Variants in TRIM3 observed in about 807,000 individuals in gnomAD.
TRIM3 encodes tripartite motif-containing protein 3.
A neutral mutation model predicts 66.6 loss-of-function variants in TRIM3; 13 were observed. The observed-to-expected ratio is 0.20, with a 90% confidence interval of 0.13 to 0.31. TRIM3 has a LOEUF of 0.31. TRIM3 is among the 10% of genes least tolerant of loss of function. TRIM3 has a pLI of 1.00. For synonymous variants in TRIM3, 406 were observed against 411.7 expected (o/e 0.99, Z 0.17); for missense variants, 711 against 1,020.4 (o/e 0.70, Z 4.13).
intron 1 of TRIM3, among the ~76,000 whole-genome samples, chr11:6,470,048 G>A (rs1418627016): frequency 6.6e-6 from 1 of 152,130 alleles, no homozygotes. Flanking sequence ...TAGACTTTAC[G>A]CTTACCTGCT....
At position 6,457,908 on chromosome 11, in the gene TRIM3, C is replaced by A. The variant is rs980745454; in HGVS notation, c.364-61G>T. On this transcript the variant is annotated intron_variant, in intron 3 of 11. Transcript: ENST00000345851. This position sits in a 1 kb window ranked among gnomAD's most constrained non-coding sequence, Gnocchi z 4.5. Reference sequence around the variant, plus strand: ...ACATCACACTTCTTTGTCCCCTCCCCACCTGCCCTCCCTGCCCCTCACCTT... The same window carrying A: ...ACATCACACTTCTTTGTCCCCTCCCAACCTGCCCTCCCTGCCCCTCACCTT... 3.8e-6 allele frequency: 6 copies of A among 1,599,256 alleles called. No individual in the cohort carries two copies. The Middle Eastern group carries it at 5.0e-4, about 133-fold the overall frequency.
intron 2 of TRIM3, among the ~76,000 whole-genome samples, chr11:6,461,833 TTTACA>T (rs1360611326): frequency 6.6e-6 from 1 of 152,196 alleles, no homozygotes; most frequent in African/African-American, 2.4e-5. Context: ...GGGTGAACTT[TTTACA>T]TTACATTATT....
Position 6,457,960 on chromosome 11 carries a change from T to A in TRIM3, c.363+105A>T. Reference sequence around the variant, plus strand: ...TAAGTGCACCCCCTACCTGGACCACTAATCCAGAGCAGTACCCTGTCACCC... The same window carrying A: ...TAAGTGCACCCCCTACCTGGACCACAAATCCAGAGCAGTACCCTGTCACCC... On this transcript the variant is annotated intron_variant, in intron 3 of 11. Coordinates refer to ENST00000345851, the MANE Select transcript of TRIM3 (RefSeq NM_033278.4). The surrounding 1 kb of genome is among the most constrained non-coding windows in gnomAD (Gnocchi z 4.5). The A allele has an allele frequency of 6.5e-7, 1 of 1,542,866 alleles. No individual in the cohort carries two copies. The highest frequency in any genetic ancestry group is 1.4e-5 in the African/African-American group (1 of 73,978).
Position 6,450,908 on chromosome 11 carries a change from A to G in TRIM3, c.1854T>C (p.Thr618=), listed in dbSNP as rs1299976339. The G allele has an allele frequency of 1.9e-6, 3 of 1,614,208 alleles. No homozygotes were observed. In the Admixed American group the frequency reaches 5.0e-5, roughly 27 times the overall value. ...LVGRFGGRGA[T]DRHFAGPHFV... is the part of the protein sequence containing the mutation. ...CCCCTATACCTGCAAAGTGGCGGTC[A>G]GTGGCCCCACGGCCCCCAAAACGGC... The change falls in exon 9 of 12, where the codon ACT becomes ACC. Residue 618 remains threonine, a synonymous_variant. Transcript: ENST00000345851. This position sits in a 1 kb window ranked among gnomAD's most constrained non-coding sequence, Gnocchi z 4.8.
Position 6,450,880 on chromosome 11 carries a change from G to T in TRIM3, c.1870+12C>A. On this transcript the variant is annotated intron_variant, in intron 9 of 11. Transcript: ENST00000345851. The surrounding 1 kb of genome is among the most constrained non-coding windows in gnomAD (Gnocchi z 4.8). Reference sequence around the variant, plus strand: ...GGGTATCAGCATAGATCTTGGAGCTGTCCCCCTATACCTGCAAAGTGGCGG... The same window carrying T: ...GGGTATCAGCATAGATCTTGGAGCTTTCCCCCTATACCTGCAAAGTGGCGG... 1 of 1,614,040 alleles carries T rather than the reference G, an allele frequency of 6.2e-7. No homozygotes were observed. Among genetic ancestry groups the T allele is most frequent in the Non-Finnish European group, 8.5e-7 (1 of 1,179,960 alleles).
At position 6,458,148 on chromosome 11, in the gene TRIM3, C is replaced by T. The variant is rs779125524; in HGVS notation, c.280G>A (p.Asp94Asn). The T allele has an allele frequency of 6.2e-7, 1 of 1,614,148 alleles. No individual in the cohort carries two copies. The highest frequency in any genetic ancestry group is 8.5e-7 in the Non-Finnish European group (1 of 1,180,044). ...SLMEAMQQAP[D>N]GAHDPEDPHP... ...GGGTCCTCCGGGTCGTGGGCCCCATCAGGTGCCTGCTGCATTGCCTCCATG... is the reference window on the plus strand; with the variant it reads ...GGGTCCTCCGGGTCGTGGGCCCCATTAGGTGCCTGCTGCATTGCCTCCATG... Residue 94 changes from aspartate (D) to asparagine (N), a missense_variant, in exon 3 of 12, where the codon GAT (aspartate) becomes AAT (asparagine). Physicochemically the swap from Asp to Asn is conservative, Grantham distance 23 (BLOSUM62 1). Around this residue, in one of 3 missense-constraint regions of TRIM3, gnomAD observed 149 missense variants for 240.3 expected, o/e 0.62. Transcript: ENST00000345851. The surrounding 1 kb of genome is among the most constrained non-coding windows in gnomAD (Gnocchi z 6.2).
At chr11:6,468,102 A>G (rs1457349670) in intron 1 of TRIM3, among the ~76,000 whole-genome samples, 1 of 152,210 alleles carries the variant, frequency 6.6e-6, no homozygotes, top group Non-Finnish European at 1.5e-5. Context: ...TGGGCAACAT[A>G]ATGAGACCCC....
At chr11:6,463,158 T>C (rs1392917991) in intron 2 of TRIM3, among the ~76,000 whole-genome samples, 2 of 152,040 alleles carry the variant, frequency 1.3e-5, no homozygotes, top group African/African-American at 4.8e-5. Flanking sequence ...TGAGCCAAGA[T>C]GGCGCCACTG....
Position 6,449,426 on chromosome 11 carries a change from C to G in TRIM3, c.1962G>C (p.Glu654Asp). ...CATGGGAGCCAAACTTGAAGAGGAA[C>G]TCTCCATCGGCACTGTACACCTGGC... ...HSVKVYSADG[E>D]FLFKFGSHGE... Residue 654 changes from glutamate to aspartate, a missense_variant, in exon 11 of 12, where the codon GAG becomes GAC. Glu to Asp is a conservative substitution (Grantham distance 45, BLOSUM62 2). Transcript: ENST00000345851. The surrounding 1 kb of genome is among the most constrained non-coding windows in gnomAD (Gnocchi z 5.3). The G allele has an allele frequency of 6.2e-7, 1 of 1,613,970 alleles. No homozygotes were observed. Among genetic ancestry groups the G allele is most frequent in the Non-Finnish European group, 8.5e-7 (1 of 1,179,918 alleles).
chr11:6,461,008 C>A (rs1351627067), intron 2 of TRIM3, among the ~76,000 whole-genome samples: 1 of 145,142 alleles, frequency 6.9e-6, no homozygotes, highest in African/African-American at 2.6e-5. Context: ...CGGGTTCAAG[C>A]GATTCTCTTG....
At position 6,456,581 on chromosome 11, in the gene TRIM3, T is replaced by C; in HGVS notation, c.1145A>G (p.Lys382Arg). 1.2e-6 allele frequency: 2 copies of C among 1,612,990 alleles called. No individual in the cohort carries two copies. The highest frequency in any genetic ancestry group is 1.7e-6 in the Non-Finnish European group (2 of 1,179,840). Residue 382 changes from lysine to arginine, a missense_variant, in exon 6 of 12, where the codon AAG becomes AGG. Physicochemically the swap from Lys to Arg is conservative, Grantham distance 26 (BLOSUM62 2). Transcript: ENST00000345851. The surrounding 1 kb of genome is among the most constrained non-coding windows in gnomAD (Gnocchi z 6.4). ...TRLPVPVVDH[K>R]NGTYELVYTA... Reference sequence around the variant, plus strand: ...GTACACTAGCTCATATGTGCCATTCTTGTGGTCCACCACTGGCACCGGAAG... The same window carrying C: ...GTACACTAGCTCATATGTGCCATTCCTGTGGTCCACCACTGGCACCGGAAG...
intron 2 of TRIM3, among the ~76,000 whole-genome samples, chr11:6,463,147 G>C (rs1163927188): frequency 6.6e-6 from 1 of 152,164 alleles, no homozygotes; most frequent in Non-Finnish European, 1.5e-5. Flanking sequence ...AGAGATTGCA[G>C]TGAGCCAAGA....
chr11:6,461,066 T>C (rs1850215478), intron 2 of TRIM3, among the ~76,000 whole-genome samples: 1 of 151,952 alleles, frequency 6.6e-6, no homozygotes, highest in African/African-American at 2.4e-5. Flanking sequence ...CCATCACGCC[T>C]GGCTAATTTT....
At chr11:6,453,913 C>G (rs1267469732) in intron 7 of TRIM3, among the ~76,000 whole-genome samples, 1 of 152,194 alleles carries the variant, frequency 6.6e-6, no homozygotes, top group Non-Finnish European at 1.5e-5. Flanking sequence ...GCCCTAAGGA[C>G]TCCAGAGTAA....
chr11:6,450,322 C>T lies in TRIM3; in HGVS notation c.1941+229G>A, dbSNP rs186333370. The T allele has an allele frequency of 2.5e-4, 139 of 565,108 alleles. 2 individuals carry two copies. The highest frequency in any genetic ancestry group is 4.1e-5 in the Non-Finnish European group (13 of 317,408). The allele number at this position is 565,108 out of a possible 1,614,324, so 35.0% of individuals were successfully genotyped here. On this transcript the variant is annotated intron_variant, in intron 10 of 11. Transcript: ENST00000345851. The surrounding 1 kb of genome is among the most constrained non-coding windows in gnomAD (Gnocchi z 4.8). ...TTTTTTGGTTACCTTTTTCTCTTCC[C>T]TACTAGACTATAATCAAGAAGACAC...
rs1051803008 is a variant in TRIM3, at chr11:6,451,349, C to A, written c.1623G>T (p.Val541=). 1.2e-6 allele frequency: 2 copies of A among 1,614,092 alleles called. No individual in the cohort carries two copies. The highest frequency in any genetic ancestry group is 1.3e-5 in the African/African-American group (1 of 74,942). Residue 541 remains valine, a synonymous_variant, in exon 8 of 12, where the codon GTG becomes GTT. Transcript: ENST00000345851. ...GQLQRPTGVA[V]DTNGDIIVAD... is the part of the protein sequence containing the mutation. ...CCACAATTATGTCTCCATTGGTGTC[C>A]ACTGCCACACCTGTGGGGCGCTGCA...
chr11:6,449,627 A>G lies in TRIM3; in HGVS notation c.1942-181T>C. The G allele has an allele frequency of 1.9e-6, 1 of 527,768 alleles. No homozygotes were observed. Among genetic ancestry groups the G allele is most frequent in the Non-Finnish European group, 3.3e-6 (1 of 301,392 alleles). The allele number at this position is 527,768 out of a possible 1,614,324, so 32.7% of individuals were successfully genotyped here. A position where few individuals can be genotyped will look rare whatever the true frequency, so the allele number is the denominator to read the frequency against. ...ACTGCCTAGTAGACATCTCTTGCTG[A>G]TGTCCATTGGGAATATCAAATCTAA... is the stretch of plus-strand genomic sequence containing the variant. On this transcript the variant is annotated intron_variant, in intron 10 of 11. Coordinates refer to ENST00000345851, the MANE Select transcript of TRIM3 (RefSeq NM_033278.4). This position sits in a 1 kb window ranked among gnomAD's most constrained non-coding sequence, Gnocchi z 5.3.
Position 6,456,481 on chromosome 11 carries a change from G to A in TRIM3, c.1245C>T (p.Arg415=), listed in dbSNP as rs1157127668. 4.5e-6 allele frequency: 7 copies of A among 1,556,342 alleles called. No homozygotes were observed. The highest frequency in any genetic ancestry group is 1.4e-5 in the African/African-American group (1 of 73,322). ...YGQPVRGSPF[R]VRALRPGDLP... is the part of the protein sequence containing the mutation. ...GGTCCCCCGGACGCAGGGCACGCAC[G>A]CGGAAGGGGCTGCCGCGCACTGGCT... Residue 415 remains arginine, a synonymous_variant, in exon 6 of 12, where the codon CGC becomes CGT. Coordinates refer to ENST00000345851, the MANE Select transcript of TRIM3 (RefSeq NM_033278.4). This position sits in a 1 kb window ranked among gnomAD's most constrained non-coding sequence, Gnocchi z 6.4.
intron 1 of TRIM3, among the ~76,000 whole-genome samples, chr11:6,472,524 G>T (rs1010693093): frequency 9.5e-5 from 14 of 147,454 alleles, no homozygotes; most frequent in Admixed American, 4.9e-4. Flanking sequence ...TGGTTTTTCT[G>T]CTTTTCTGAA....
Sources: allele counts gnomAD v4.1 joint callset (sites outside exome capture counted in the v4.1 genomes callset), GRCh38; gene constraint gnomAD v4.1.1; regional missense constraint gnomAD v4.1.1; non-coding constraint Gnocchi (gnomAD v3.1); transcripts MANE v1.5; gene names NCBI Gene and HGNC (gene_info 2026-07-23, HGNC 2026-07-21).